PTPRK: variants seen among roughly 807,000 people sequenced by gnomAD.
PTPRK encodes protein tyrosine phosphatase receptor type K, also known as receptor-type tyrosine-protein phosphatase kappa.
In PTPRK, 75 loss-of-function variants were observed where a neutral mutation model predicts 178.0. The observed-to-expected ratio is 0.42, with a 90% CI of 0.35 to 0.51. The LOEUF is 0.51. PTPRK is among the 20% of genes least tolerant of loss of function. The probability of loss-of-function intolerance (pLI) is 0.02; values close to 1 mark genes in which losing one functional copy is unlikely to be tolerated. For missense variants in PTPRK, 1,441 were observed against 1,797.8 expected (o/e 0.80, Z 3.59); for synonymous variants, 637 against 620.6 (o/e 1.03, Z -0.39).
chr6:128,095,678 T>C (rs1582985540), intron 7 of PTPRK, among the ~76,000 whole-genome samples: 1 of 152,150 alleles, frequency 6.6e-6, no homozygotes, highest in Non-Finnish European at 1.5e-5. Flanking sequence ...TTTCATATAC[T>C]TGAAGAACAA....
chr6:128,520,462 G>C lies in PTPRK; in HGVS notation c.-104C>G, dbSNP rs1307253485. On this transcript the variant is annotated 5_prime_UTR_variant, in exon 1 of 30. Coordinates refer to ENST00000368226, the MANE Select transcript of PTPRK (RefSeq NM_002844.4). ...GGGCCGGGCCTCGCGGGGTGAGGAC[G>C]GTGAGAGGACAGCCGCCCGCCCGCC... The C allele has an allele frequency of 5.4e-6, 6 of 1,102,520 alleles. No individual in the cohort carries two copies. The highest frequency in any genetic ancestry group is 2.1e-5 in the Admixed American group (1 of 48,104). 68.3% of individuals were successfully genotyped at this position (1,102,520 alleles called of 1,614,324 possible). A position where few individuals can be genotyped will look rare whatever the true frequency, so the allele number is the denominator to read the frequency against.
chr6:128,489,267 T>C (rs1853419521), intron 1 of PTPRK, among the ~76,000 whole-genome samples: 2 of 152,226 alleles, frequency 1.3e-5, no homozygotes, highest in South Asian at 2.1e-4. Flanking sequence ...TTTACTGATA[T>C]GCAGAAATAG....
chr6:128,204,734 G>C (rs1294459197), intron 6 of PTPRK, among the ~76,000 whole-genome samples: 1 of 151,738 alleles, frequency 6.6e-6, no homozygotes, highest in Non-Finnish European at 1.5e-5. Context: ...TCTCATATCA[G>C]TCAGAATGGT....
chr6:128,471,130 T>A (rs1381588773), intron 1 of PTPRK, among the ~76,000 whole-genome samples: 1 of 152,164 alleles, frequency 6.6e-6, no homozygotes, highest in South Asian at 2.1e-4. Flanking sequence ...TTTAAATGAA[T>A]TTAATATTCC....
chr6:128,495,679 C>T (rs1854548782), intron 1 of PTPRK, among the ~76,000 whole-genome samples: 1 of 152,150 alleles, frequency 6.6e-6, no homozygotes, highest in Non-Finnish European at 1.5e-5. Context: ...CCCTCCAAAC[C>T]CTTTTTCACA....
chr6:128,354,773 T>C (rs1157194574), intron 2 of PTPRK, among the ~76,000 whole-genome samples: 1 of 152,194 alleles, frequency 6.6e-6, no homozygotes, highest in Non-Finnish European at 1.5e-5. Flanking sequence ...CGTAGGAATT[T>C]AAACTAACTT....
At chr6:128,079,625 G>A (rs944067641) in intron 10 of PTPRK, among the ~76,000 whole-genome samples, 20 of 152,036 alleles carry the variant, frequency 1.3e-4, no homozygotes, top group South Asian at 1.0e-3. Flanking sequence ...TGTTTAAGGA[G>A]TATATACTCA....
At position 127,973,028 on chromosome 6, in the gene PTPRK, T is replaced by G. The variant is rs1774118712; in HGVS notation, c.4263A>C (p.Glu1421Asp). 3.7e-6 allele frequency: 6 copies of G among 1,613,878 alleles called. No homozygotes were observed. Among genetic ancestry groups the G allele is most frequent in the South Asian group, 2.2e-5 (2 of 91,088 alleles). The change falls in exon 29 of 30, where the codon GAA becomes GAC. Residue 1421 changes from glutamate to aspartate, a missense_variant. Physicochemically the swap from Glu to Asp is conservative, Grantham distance 45. Transcript: ENST00000368226. Reference protein sequence around the residue: ...TLRNSKPNMVEAPEQYRFCYD... With the variant: ...TLRNSKPNMVDAPEQYRFCYD... The stretch of plus-strand genomic sequence containing the variant: ...CTAAGATTCTGTGACTCACCGGGGC[T>G]TCCACCATGTTTGGCTTGCTGTTCC...
chr6:128,415,345 A>C (rs566622341), intron 1 of PTPRK, among the ~76,000 whole-genome samples: 3 of 152,218 alleles, frequency 2.0e-5, no homozygotes, highest in Non-Finnish European at 4.4e-5. Context: ...TCATATAAAA[A>C]TTTAACTTGT....
intron 1 of PTPRK, among the ~76,000 whole-genome samples, chr6:128,400,822 C>T (rs184678907): frequency 5.6e-4 from 85 of 152,270 alleles, no homozygotes; most frequent in Non-Finnish European, 1.6e-4. Flanking sequence ...TCATAGCAAG[C>T]TCCTAATTCA....
At chr6:128,436,264 CCAT>C (rs1428279520) in intron 1 of PTPRK, among the ~76,000 whole-genome samples, 2 of 151,868 alleles carry the variant, frequency 1.3e-5, no homozygotes, top group African/African-American at 4.8e-5. Flanking sequence ...AATAAATTAA[CCAT>C]AATAGCAATT....
chr6:128,400,280 A>G (rs1840854867), intron 1 of PTPRK, among the ~76,000 whole-genome samples: 1 of 152,188 alleles, frequency 6.6e-6, no homozygotes, highest in Non-Finnish European at 1.5e-5. Context: ...GGAAGGATAT[A>G]CCAAACAGAG....
At chr6:128,418,080 T>A (rs1247953727) in intron 1 of PTPRK, among the ~76,000 whole-genome samples, 5 of 152,314 alleles carry the variant, frequency 3.3e-5, no homozygotes, top group South Asian at 4.1e-4. Flanking sequence ...TCAAAAAAAA[T>A]TGATATGTAT....
chr6:127,977,099 G>A (rs1284022646), intron 25 of PTPRK, 45 bp from the exon 26 acceptor site: 15 of 1,584,668 alleles, frequency 9.5e-6, no homozygotes, highest in African/African-American at 1.3e-5. Flanking sequence ...AACTTAAAAT[G>A]TATGATCGGT....
At chr6:128,378,438 A>C (rs1166274672) in intron 2 of PTPRK, among the ~76,000 whole-genome samples, 1 of 152,130 alleles carries the variant, frequency 6.6e-6, no homozygotes, top group Non-Finnish European at 1.5e-5. Flanking sequence ...GGTAACAAAA[A>C]ATGACATCAA....
chr6:128,341,896 A>G (rs1831712712), intron 2 of PTPRK, among the ~76,000 whole-genome samples: 1 of 152,156 alleles, frequency 6.6e-6, no homozygotes, highest in Admixed American at 6.5e-5. Context: ...TCTCTTTGCT[A>G]TGTGGCCAAT....
At chr6:128,244,145 T>C (rs142670452) in intron 3 of PTPRK, among the ~76,000 whole-genome samples, 34 of 152,112 alleles carry the variant, frequency 2.2e-4, no homozygotes, top group African/African-American at 6.5e-4. Context: ...AGGAAACAAA[T>C]TGAGGGAGAA....
chr6:128,226,413 T>TA (rs1263038623), intron 5 of PTPRK, among the ~76,000 whole-genome samples: 1 of 152,182 alleles, frequency 6.6e-6, no homozygotes, highest in East Asian at 1.9e-4. Flanking sequence ...TCCAGTTATT[T>TA]CATTAAATAC....
At chr6:128,336,192 T>A (rs1486138873) in intron 2 of PTPRK, among the ~76,000 whole-genome samples, 1 of 850 alleles carries the variant, frequency 1.2e-3, no homozygotes, top group Non-Finnish European at 0.019. Flanking sequence ...CAACAGTGTG[T>A]TTTTTTTTTT....
Sources: gnomAD v4.1 joint callset for allele counts (sites outside exome capture counted in the v4.1 genomes callset) on GRCh38, gnomAD v4.1.1 for gene constraint, MANE v1.5 for transcripts, NCBI Gene and HGNC (gene_info 2026-07-23, HGNC 2026-07-21) for gene names.